OSBPL3: variants seen among roughly 807,000 people sequenced by gnomAD.
The protein encoded by OSBPL3 is oxysterol-binding protein-related protein 3.
A neutral mutation model predicts 120.1 loss-of-function variants in OSBPL3; 65 were observed. The ratio of observed to expected loss-of-function variants is 0.54; its 90% CI spans 0.44 to 0.67. The LOEUF (loss-of-function observed/expected upper bound fraction) is 0.67, where lower values mean the gene tolerates loss of function less well. Among genes scored for constraint, OSBPL3 ranks in the 30% least tolerant of loss-of-function variants. OSBPL3 has a pLI of 0.00. For missense variants in OSBPL3, 1,004 were observed against 1,082.1 expected (o/e 0.93, Z 1.01); for synonymous variants, 416 against 402.6 (o/e 1.03, Z -0.40).
intron 13 of OSBPL3, 115 bp from the exon 14 acceptor site, chr7:24,840,898 T>C (rs569115431): frequency 5.2e-5 from 30 of 577,560 alleles, no homozygotes; most frequent in Admixed American, 2.0e-4. Context: ...CAAATACTCT[T>C]GGGTACTGTT....
At chr7:24,870,104 CT>C (rs1801892113) in intron 5 of OSBPL3, among the ~76,000 whole-genome samples, 1 of 152,142 alleles carries the variant, frequency 6.6e-6, no homozygotes, top group African/African-American at 2.4e-5. Context: ...AAAACTGAGA[CT>C]TTCAGAGATT....
rs957455212 is a variant in OSBPL3 at position 24,952,970 on chromosome 7, T to C, written c.-150+26916A>G. On this transcript the variant is annotated intron_variant, in intron 1 of 22. Transcript: ENST00000313367. This position sits in a 1 kb window ranked among gnomAD's most constrained non-coding sequence, Gnocchi z 4.4. ...GGGCAACACAGCAAGACACTGTCTCTACAAAAAAATCTAAAAATTAGCCAG... is the reference window on the plus strand; with the variant it reads ...GGGCAACACAGCAAGACACTGTCTCCACAAAAAAATCTAAAAATTAGCCAG... Among the ~76,000 whole-genome samples, 6 of 152,068 alleles carry C rather than the reference T, an allele frequency of 3.9e-5. No individual in the cohort carries two copies. Among genetic ancestry groups the C allele is most frequent in the African/African-American group, 1.4e-4 (6 of 41,390 alleles).
Position 24,804,262 on chromosome 7 carries a change from T to C in OSBPL3, c.2567+53A>G, listed in dbSNP as rs775751153. 2.5e-6 allele frequency: 4 copies of C among 1,610,004 alleles called. No individual in the cohort carries two copies. The highest frequency in any genetic ancestry group is 3.4e-6 in the Non-Finnish European group (4 of 1,176,774). On this transcript the variant is annotated intron_variant, in intron 22 of 22. Transcript: ENST00000313367. The surrounding 1 kb of genome is among the most constrained non-coding windows in gnomAD (Gnocchi z 5.4). ...GTTCACTTTCTGCAAACCAGAAGCA[T>C]AACGTGCTGGCACCACCTATCAACC...
In OSBPL3 at chr7:24,967,977, T is replaced by C. The variant is rs1329995706; in HGVS notation, c.-150+11909A>G. On this transcript the variant is annotated intron_variant, in intron 1 of 22. Transcript: ENST00000313367. The surrounding 1 kb of genome is among the most constrained non-coding windows in gnomAD (Gnocchi z 5.6). ...CAGCAGTAGTCAATGGCACCATAAA[T>C]AACACAGTCACATACGCCTGAAACT... is the stretch of plus-strand genomic sequence containing the variant. Among the ~76,000 whole-genome samples, 1 of 152,232 alleles carries C rather than the reference T, an allele frequency of 6.6e-6. No individual in the cohort carries two copies. Among genetic ancestry groups the C allele is most frequent in the Admixed American group, 6.5e-5 (1 of 15,284 alleles).
intron 2 of OSBPL3, among the ~76,000 whole-genome samples, chr7:24,878,477 G>A (rs773643340): frequency 2.6e-5 from 4 of 151,850 alleles, no homozygotes; most frequent in Non-Finnish European, 4.4e-5. Context: ...GATCTTCCAC[G>A]GCCTATTAAG....
chr7:24,894,144 C>G lies in OSBPL3; in HGVS notation c.-149-1523G>C, dbSNP rs1380187987. ...ACTCTTTCCTACACCTTCATTAACACTTAGTTCTTCAAAAATAAAAAAGAG... is the reference window on the plus strand; with the variant it reads ...ACTCTTTCCTACACCTTCATTAACAGTTAGTTCTTCAAAAATAAAAAAGAG... On this transcript the variant is annotated intron_variant, in intron 1 of 22. Transcript: ENST00000313367. This position sits in a 1 kb window ranked among gnomAD's most constrained non-coding sequence, Gnocchi z 4.1. Among the ~76,000 whole-genome samples the G allele has an allele frequency of 6.6e-6, 1 of 151,564 alleles. No individual in the cohort carries two copies. Among genetic ancestry groups the G allele is most frequent in the Non-Finnish European group, 1.5e-5 (1 of 68,032 alleles).
intron 1 of OSBPL3, among the ~76,000 whole-genome samples, chr7:24,931,644 C>G (rs534848758): frequency 9.3e-5 from 14 of 151,336 alleles, no homozygotes; most frequent in Non-Finnish European, 1.9e-4. Context: ...ACCTCCAGAA[C>G]TGAAAGAAAA....
At chr7:24,925,661 T>C (rs114784100) in intron 1 of OSBPL3, among the ~76,000 whole-genome samples, 1 of 152,218 alleles carries the variant, frequency 6.6e-6, no homozygotes, top group Non-Finnish European at 1.5e-5. Context: ...CAGTTCCTAT[T>C]TTGATTGGAA....
At chr7:24,977,565 T>C (rs1817716274) in intron 1 of OSBPL3, among the ~76,000 whole-genome samples, 1 of 41,312 alleles carries the variant, frequency 2.4e-5, no homozygotes, top group South Asian at 1.4e-3. Flanking sequence ...CGGTGAAAAT[T>C]AAGCTTACGG....
In OSBPL3 at chr7:24,896,300, G is replaced by A. The variant is rs1457601557; in HGVS notation, c.-149-3679C>T. The stretch of plus-strand genomic sequence containing the variant: ...TCAAACACCAGATGCACTTGTGTCA[G>A]TTCAAAAATGACGTTTGTGCCTCTA... On this transcript the variant is annotated intron_variant, in intron 1 of 22. Coordinates refer to ENST00000313367, the MANE Select transcript of OSBPL3 (RefSeq NM_015550.4). This position sits in a 1 kb window ranked among gnomAD's most constrained non-coding sequence, Gnocchi z 4.4. Among the ~76,000 whole-genome samples the A allele has an allele frequency of 6.6e-6, 1 of 152,194 alleles. No individual in the cohort carries two copies. Among genetic ancestry groups the A allele is most frequent in the Non-Finnish European group, 1.5e-5 (1 of 68,040 alleles).
rs1562766119 is a variant in OSBPL3 at position 24,815,319 on chromosome 7, A to C, written c.2028-116T>G. The C allele has an allele frequency of 1.5e-5, 12 of 774,302 alleles. No homozygotes were observed. The South Asian group carries it at 2.1e-4, about 13-fold the overall frequency. 48.0% of individuals were successfully genotyped at this position (774,302 alleles called of 1,614,324 possible). A position where few individuals can be genotyped will look rare whatever the true frequency, so the allele number is the denominator to read the frequency against. On this transcript the variant is annotated intron_variant, in intron 18 of 22. Coordinates refer to ENST00000313367, the MANE Select transcript of OSBPL3 (RefSeq NM_015550.4). This position sits in a 1 kb window ranked among gnomAD's most constrained non-coding sequence, Gnocchi z 5.1. Reference sequence around the variant, plus strand: ...CAATGCATTATTCATCTCTTTATTCACAGAAGCAACACTGGCTAAGTGTCT... The same window carrying C: ...CAATGCATTATTCATCTCTTTATTCCCAGAAGCAACACTGGCTAAGTGTCT...
At chr7:24,865,020 A>T (rs1393038096) in intron 7 of OSBPL3, among the ~76,000 whole-genome samples, 1 of 152,120 alleles carries the variant, frequency 6.6e-6, no homozygotes, top group Non-Finnish European at 1.5e-5. Context: ...TAGCACAATG[A>T]TTCTCAATCT....
intron 19 of OSBPL3, among the ~76,000 whole-genome samples, chr7:24,812,008 G>A (rs1036441562): frequency 1.3e-5 from 2 of 152,150 alleles, no homozygotes; most frequent in Non-Finnish European, 2.9e-5. Flanking sequence ...TACAATGTAA[G>A]AGAAGGCTCA....
rs1436445574 is a variant in OSBPL3, at chr7:24,827,446, A to C, written c.1884+3322T>G. The stretch of plus-strand genomic sequence containing the variant: ...GAGGCCCTGGCCCTACACCCTTCCC[A>C]CTTCTAGGGCAGAGGACTGCCTGGT... On this transcript the variant is annotated intron_variant, in intron 16 of 22. Coordinates refer to ENST00000313367, the MANE Select transcript of OSBPL3 (RefSeq NM_015550.4). The surrounding 1 kb of genome is among the most constrained non-coding windows in gnomAD (Gnocchi z 5.1). Among the ~76,000 whole-genome samples, 1 of 152,230 alleles carries C rather than the reference A, an allele frequency of 6.6e-6. No individual in the cohort carries two copies. Among genetic ancestry groups the C allele is most frequent in the Non-Finnish European group, 1.5e-5 (1 of 68,028 alleles).
chr7:24,917,428 T>TATATATATATATATATATA (rs1562924930), intron 1 of OSBPL3, among the ~76,000 whole-genome samples: 5 of 92,266 alleles, frequency 5.4e-5, no homozygotes, highest in East Asian at 5.8e-4. Context: ...ATATATATAT[T>TATATATATATATATATATA]TGTAACATAT....
intron 2 of OSBPL3, among the ~76,000 whole-genome samples, chr7:24,880,385 A>G (rs114172438): frequency 6.6e-6 from 1 of 152,078 alleles, no homozygotes; most frequent in Non-Finnish European, 1.5e-5. Context: ...AGGGCCACCT[A>G]CTGACCCTCC....
In OSBPL3 at chr7:24,802,513, C is replaced by G. The variant is rs558658736; in HGVS notation, c.2567+1802G>C. Among the ~76,000 whole-genome samples the G allele has an allele frequency of 7.9e-5, 12 of 152,336 alleles. No homozygotes were observed. The highest frequency in any genetic ancestry group is 2.4e-4 in the African/African-American group (10 of 41,574). The stretch of plus-strand genomic sequence containing the variant: ...GTCCTTTTTCATTCCAGACACAATT[C>G]CTTCCTGATTGCAATGACAGCATAA... On this transcript the variant is annotated intron_variant, in intron 22 of 22. Coordinates refer to ENST00000313367, the MANE Select transcript of OSBPL3 (RefSeq NM_015550.4). The surrounding 1 kb of genome is among the most constrained non-coding windows in gnomAD (Gnocchi z 4.1).
chr7:24,892,538 T>A lies in OSBPL3; in HGVS notation c.-66A>T, dbSNP rs1805527309. The A allele has an allele frequency of 1.9e-6, 3 of 1,572,818 alleles. No homozygotes were observed. The highest frequency in any genetic ancestry group is 1.7e-5 in the Admixed American group (1 of 58,758). On this transcript the variant is annotated 5_prime_UTR_variant, in exon 2 of 23. Transcript: ENST00000313367. ...TCAGATGACAAGGGAGCCGAGAGTA[T>A]GGAAGTCCCCAGTGGCAGGTGGTTT...
intron 19 of OSBPL3, chr7:24,810,164 T>C (rs1220918314): frequency 3.8e-6 from 2 of 522,126 alleles, no homozygotes; most frequent in Non-Finnish European, 6.8e-6. Flanking sequence ...ATGTATACAT[T>C]GTGGAATGGC....
Sources: gnomAD v4.1 joint callset for allele counts (sites outside exome capture counted in the v4.1 genomes callset) on GRCh38, gnomAD v4.1.1 for gene constraint, Gnocchi (gnomAD v3.1) non-coding constraint, MANE v1.5 for transcripts, NCBI Gene and HGNC (gene_info 2026-07-23, HGNC 2026-07-21) for gene names.